The following PRKAG2 variants were observed in gnomAD, a reference collection of about 807,000 sequenced individuals.
The protein encoded by PRKAG2 is protein kinase AMP-activated non-catalytic subunit gamma 2, also known as 5'-AMP-activated protein kinase subunit gamma-2.
PRKAG2 carries 26 observed loss-of-function variants against 69.6 expected under a neutral mutation model. The observed-to-expected ratio is 0.37, with a 90% CI of 0.27 to 0.52. PRKAG2 has a LOEUF of 0.52. Among genes scored for constraint, PRKAG2 ranks in the 20% least tolerant of loss-of-function variants. The pLI, the probability that PRKAG2 is intolerant of heterozygous loss-of-function variation, is 0.90. For missense variants in PRKAG2, 557 were observed against 740.0 expected (o/e 0.75, Z 2.87); for synonymous variants, 293 against 285.0 (o/e 1.03, Z -0.28).
chr7:151,845,097 G>GC (rs58889106), intron 1 of PRKAG2, among the ~76,000 whole-genome samples: 3 of 151,274 alleles, frequency 2.0e-5, no homozygotes, highest in Non-Finnish European at 4.4e-5. Flanking sequence ...GTTCCCAGCT[G>GC]CCCCCCACAT....
chr7:151,799,427 A>C (rs933053917), intron 1 of PRKAG2, among the ~76,000 whole-genome samples: 6 of 152,194 alleles, frequency 3.9e-5, no homozygotes, highest in African/African-American at 1.4e-4. Context: ...GCCTGGCTAT[A>C]CTGGGCACAT....
chr7:151,587,490 A>G (rs147963656), intron 6 of PRKAG2, among the ~76,000 whole-genome samples: 229 of 152,228 alleles, frequency 1.5e-3, no homozygotes, highest in Non-Finnish European at 2.6e-3. Flanking sequence ...GAATCATCTC[A>G]TGGTGGAAAA....
intron 3 of PRKAG2, among the ~76,000 whole-genome samples, chr7:151,754,808 C>T (rs973990804): frequency 1.3e-5 from 2 of 151,820 alleles, no homozygotes; most frequent in African/African-American, 4.8e-5. Flanking sequence ...CCCAGCACTT[C>T]TCCAGGCCCT....
intron 3 of PRKAG2, among the ~76,000 whole-genome samples, chr7:151,740,741 G>T (rs1055359324): frequency 1.3e-5 from 2 of 152,216 alleles, no homozygotes; most frequent in Non-Finnish European, 2.9e-5. Context: ...AGAGGAGAAG[G>T]CCCGTGTGGC....
Position 151,792,094 on chromosome 7 carries a change from A to G in PRKAG2, c.115-5553T>C, listed in dbSNP as rs150110177. On this transcript the variant is annotated intron_variant, in intron 1 of 15. Transcript: ENST00000287878. The stretch of plus-strand genomic sequence containing the variant: ...TCCTTGGAGTGGTTCAGTTCCAGTA[A>G]TAGAAAAACAATTTGGTATCAGAGG... Among the ~76,000 whole-genome samples, 476 of 152,332 alleles carry G rather than the reference A, an allele frequency of 3.1e-3. 5 individuals carry two copies. Among genetic ancestry groups the G allele is most frequent in the African/African-American group, 0.011 (457 of 41,562 alleles).
intron 3 of PRKAG2, among the ~76,000 whole-genome samples, chr7:151,693,533 T>C (rs1836049192): frequency 6.6e-6 from 1 of 152,262 alleles, no homozygotes; most frequent in African/African-American, 2.4e-5. Context: ...TTAAAAGTTG[T>C]GTTTTAAAGA....
At chr7:151,711,549 C>T (rs1795324522) in intron 3 of PRKAG2, among the ~76,000 whole-genome samples, 1 of 152,186 alleles carries the variant, frequency 6.6e-6, no homozygotes. Context: ...AGAAAATAGT[C>T]AAAGAGTTAA....
chr7:151,624,633 G>A (rs1208982515), intron 5 of PRKAG2, among the ~76,000 whole-genome samples: 2 of 152,108 alleles, frequency 1.3e-5, no homozygotes, highest in African/African-American at 4.8e-5. Context: ...CGATTTCCTC[G>A]GATGCCAGAT....
At chr7:151,678,590 G>T (rs2151486315) in intron 3 of PRKAG2, among the ~76,000 whole-genome samples, 1 of 152,332 alleles carries the variant, frequency 6.6e-6, no homozygotes, top group South Asian at 2.1e-4. Flanking sequence ...AGGCAGCTCT[G>T]GGTGGAAGCA....
At chr7:151,832,595 T>TGGGA (rs2079061393) in intron 1 of PRKAG2, among the ~76,000 whole-genome samples, 1 of 141,708 alleles carries the variant, frequency 7.1e-6, no homozygotes, top group South Asian at 2.4e-4. Context: ...GAGGCATCTC[T>TGGGA]GGGGGGGGGG....
chr7:151,786,346 G>A, intron 2 of PRKAG2, 124 bp downstream of exon 2: 1 of 941,576 alleles, frequency 1.1e-6, no homozygotes, highest in Admixed American at 2.0e-5. Context: ...GTTACGGCCA[G>A]GTGTGCAAGC....
intron 3 of PRKAG2, among the ~76,000 whole-genome samples, chr7:151,747,340 T>G (rs1439508607): frequency 6.6e-6 from 1 of 152,316 alleles, no homozygotes; most frequent in South Asian, 2.1e-4. Flanking sequence ...GTGGATCACC[T>G]GAGGTCAGGA....
chr7:151,719,681 G>A lies in PRKAG2; in HGVS notation c.467-44044C>T, dbSNP rs895573494. On this transcript the variant is annotated intron_variant, in intron 3 of 15. Coordinates refer to ENST00000287878, the MANE Select transcript of PRKAG2 (RefSeq NM_016203.4). This position sits in a 1 kb window ranked among gnomAD's most constrained non-coding sequence, Gnocchi z 5.2. ...GGACCTGCATTCCTGCCTGGGTCCC[G>A]CCCACAGCACCACTGTCTTGCGATG... 5.3e-5 allele frequency among the ~76,000 whole-genome samples: 8 copies of A among 152,056 alleles called. 1 individual carries two copies. The South Asian group carries it at 8.4e-4, about 16-fold the overall frequency.
intron 1 of PRKAG2, among the ~76,000 whole-genome samples, chr7:151,804,952 G>C (rs2078027384): frequency 6.6e-6 from 1 of 152,118 alleles, no homozygotes; most frequent in African/African-American, 2.4e-5. Context: ...CACTGTCAAA[G>C]TCTGAAAGCC....
intron 3 of PRKAG2, among the ~76,000 whole-genome samples, chr7:151,692,762 C>T (rs978423102): frequency 1.3e-5 from 2 of 152,178 alleles, no homozygotes; most frequent in African/African-American, 2.4e-5. Flanking sequence ...GAAACCTTGC[C>T]TCCGCCTTGG....
chr7:151,703,043 T>C (rs1239459506), intron 3 of PRKAG2, among the ~76,000 whole-genome samples: 1 of 152,128 alleles, frequency 6.6e-6, no homozygotes, highest in East Asian at 1.9e-4. Flanking sequence ...TATGCTGGGC[T>C]CCCTAACCTG....
intron 4 of PRKAG2, among the ~76,000 whole-genome samples, chr7:151,647,462 G>C (rs1348503186): frequency 1.3e-5 from 2 of 152,164 alleles, no homozygotes; most frequent in African/African-American, 4.8e-5. Context: ...AAATTACAAA[G>C]TAATTTAAAT....
At chr7:151,564,022 A>G in intron 14 of PRKAG2, 56 bp downstream of exon 14, 2 of 1,610,760 alleles carry the variant, frequency 1.2e-6, no homozygotes, top group African/African-American at 1.3e-5. Context: ...ATCATTCACT[A>G]CTGGGGACTT....
intron 5 of PRKAG2, among the ~76,000 whole-genome samples, chr7:151,626,286 C>T (rs920936434): frequency 1.3e-5 from 2 of 152,178 alleles, no homozygotes; most frequent in Admixed American, 1.3e-4. Context: ...GACAACAACC[C>T]TACCTCACCA....
Sources: allele counts gnomAD v4.1 joint callset (sites outside exome capture counted in the v4.1 genomes callset), GRCh38; gene constraint gnomAD v4.1.1; non-coding constraint Gnocchi (gnomAD v3.1); transcripts MANE v1.5; gene names NCBI Gene and HGNC (gene_info 2026-07-23, HGNC 2026-07-21).